Variants in IL4R observed in about 807,000 individuals in gnomAD.
The protein encoded by IL4R is interleukin 4 receptor.
Under a neutral mutation model 41.5 loss-of-function variants are expected in IL4R, and 17 were observed. The ratio of observed to expected loss-of-function variants is 0.41; its 90% CI spans 0.28 to 0.61. The LOEUF (loss-of-function observed/expected upper bound fraction) is 0.61. IL4R is among the 20% of genes least tolerant of loss of function. The pLI, the probability that IL4R is intolerant of heterozygous loss-of-function variation, is 0.31. For missense variants in IL4R, 974 were observed against 1,043.1 expected, an observed-to-expected ratio of 0.93 and a Z score of 0.91; for synonymous variants, 402 against 422.9, an observed-to-expected ratio of 0.95 and a Z score of 0.61.
chr16:27,316,223 A>G (rs545929506), intron 1 of IL4R, among the ~76,000 whole-genome samples: 39 of 152,224 alleles, frequency 2.6e-4, no homozygotes, highest in Admixed American at 1.6e-3. Flanking sequence ...TTAAAAACTT[A>G]GCCAGGCGTG....
At chr16:27,319,004 C>T (rs566033680) in intron 1 of IL4R, among the ~76,000 whole-genome samples, 49 of 152,236 alleles carry the variant, frequency 3.2e-4, no homozygotes, top group Non-Finnish European at 4.7e-4. Flanking sequence ...AAATGAGGGC[C>T]CTCATGGAGC....
chr16:27,315,024 C>T (rs964203233), intron 1 of IL4R, among the ~76,000 whole-genome samples: 4 of 151,894 alleles, frequency 2.6e-5, no homozygotes, highest in Non-Finnish European at 5.9e-5. Context: ...AGATAGGGGA[C>T]CACTAGTTTG....
rs752466414 is a variant in IL4R, at chr16:27,346,566, A to G, written c.461A>G (p.Tyr154Cys). The G allele has an allele frequency of 1.9e-6, 3 of 1,614,092 alleles. No individual in the cohort carries two copies. Among genetic ancestry groups the G allele is most frequent in the Non-Finnish European group, 2.5e-6 (3 of 1,180,022 alleles). The part of the protein sequence containing the change: ...SNPYPPDNYL[Y>C]NHLTYAVNIW... ...CCGTATCCCCCTGACAATTACCTGT[A>G]TAATCATCTCACCTATGCAGTCAAC... The change falls in exon 6 of 11, where the codon TAT becomes TGT. Residue 154 changes from tyrosine (Y) to cysteine (C), a missense_variant. Around this residue, in one of 3 missense-constraint regions of IL4R, gnomAD observed 284 missense variants for 313.4 expected, o/e 0.91. Transcript: ENST00000395762.
At chr16:27,347,486 T>TG (rs1175287049) in intron 6 of IL4R, among the ~76,000 whole-genome samples, 2 of 152,326 alleles carry the variant, frequency 1.3e-5, no homozygotes, top group Admixed American at 6.5e-5. Context: ...CCACCGCACC[T>TG]GGCCAGTGGA....
chr16:27,321,236 GC>G (rs199603130), intron 1 of IL4R, among the ~76,000 whole-genome samples: 7 of 152,104 alleles, frequency 4.6e-5, no homozygotes, highest in East Asian at 1.9e-4. Context: ...GAGCCACCGT[GC>G]CCAGCCCAAA....
intron 7 of IL4R, 149 bp from the exon 8 acceptor site, chr16:27,355,659 G>C (rs950273714): frequency 5.0e-6 from 3 of 597,128 alleles, no homozygotes; most frequent in South Asian, 3.8e-5. Context: ...GAGGGAGAGT[G>C]GTGGGGAGAT....
At chr16:27,341,394 G>T (rs1405745203) in intron 3 of IL4R, 2 of 573,056 alleles carry the variant, frequency 3.5e-6, no homozygotes, top group East Asian at 5.7e-5. Flanking sequence ...ATCTAAGACA[G>T]CTCCTTAACA....
At chr16:27,356,084 C>CTTTTTTT (rs36125482) in intron 8 of IL4R, among the ~76,000 whole-genome samples, 177 bp downstream of exon 8, 376 of 113,654 alleles carry the variant, frequency 3.3e-3, no homozygotes, top group African/African-American at 7.5e-3. Context: ...CCACTTTTTT[C>CTTTTTTT]TTTTTTTTTT....
Position 27,342,173 on chromosome 16 carries a change from C to T in IL4R, c.123C>T (p.Ile41=). Residue 41 remains isoleucine, a synonymous_variant, in exon 4 of 11, where the codon ATC becomes ATT. Transcript: ENST00000395762. ...EPTCVSDYMS[I]STCEWKMNGP... is the part of the protein sequence containing the mutation. ...CCTGCGTCTCCGACTACATGAGCATCTCTACTTGCGAGTGGAAGATGAATG... is the reference window on the plus strand; with the variant it reads ...CCTGCGTCTCCGACTACATGAGCATTTCTACTTGCGAGTGGAAGATGAATG... The T allele has an allele frequency of 6.2e-7, 1 of 1,614,252 alleles. No homozygotes were observed.
chr16:27,359,388 C>G (rs867713746), intron 9 of IL4R, among the ~76,000 whole-genome samples: 1 of 152,116 alleles, frequency 6.6e-6, no homozygotes, highest in Non-Finnish European at 1.5e-5. Context: ...AAACTGCCCC[C>G]GAAGCACTAG....
At chr16:27,339,282 A>G (rs2141122704) in intron 2 of IL4R, among the ~76,000 whole-genome samples, 1 of 152,208 alleles carries the variant, frequency 6.6e-6, no homozygotes, top group South Asian at 2.1e-4. Context: ...GGGACTAGAG[A>G]TGCACACCAT....
chr16:27,341,227 C>A, intron 3 of IL4R: 1 of 674,790 alleles, frequency 1.5e-6, no homozygotes, highest in South Asian at 1.6e-5. Context: ...AGAGAAGTGG[C>A]CAGGATGACT....
At chr16:27,342,538 C>T (rs774829888) in intron 4 of IL4R, among the ~76,000 whole-genome samples, 10 of 152,150 alleles carry the variant, frequency 6.6e-5, no homozygotes, top group Non-Finnish European at 1.5e-4. Flanking sequence ...GACCCTTTTT[C>T]ACACTTAAAA....
chr16:27,321,752 T>C (rs1312131191), intron 1 of IL4R, among the ~76,000 whole-genome samples: 4 of 152,248 alleles, frequency 2.6e-5, no homozygotes, highest in Non-Finnish European at 5.9e-5. Flanking sequence ...TTTCCACAAC[T>C]TGTTACACAA....
At chr16:27,340,950 T>G in intron 3 of IL4R, 1 of 414,064 alleles carries the variant, frequency 2.4e-6, no homozygotes, top group Non-Finnish European at 4.7e-6. Flanking sequence ...GGGAATGTGG[T>G]GGAGGAGAGT....
At chr16:27,346,382 T>C in intron 5 of IL4R, 85 bp from the exon 6 acceptor site, 2 of 1,424,988 alleles carry the variant, frequency 1.4e-6, no homozygotes, top group Non-Finnish European at 2.0e-6. Context: ...ATCTGGGTGG[T>C]GGCTGTGGTT....
intron 8 of IL4R, among the ~76,000 whole-genome samples, 170 bp from the exon 9 acceptor site, chr16:27,358,746 T>C (rs1324389294): frequency 6.6e-6 from 1 of 152,142 alleles, no homozygotes; most frequent in Admixed American, 6.5e-5. Context: ...GGGTTAGCAA[T>C]AGAATCCATG....
intron 1 of IL4R, among the ~76,000 whole-genome samples, chr16:27,317,738 T>C (rs1006160033): frequency 6.6e-6 from 1 of 152,318 alleles, no homozygotes; most frequent in Admixed American, 6.5e-5. Flanking sequence ...AGCTCTCCAC[T>C]GTGTAATCTG....
chr16:27,324,797 C>T (rs949326179), intron 1 of IL4R, among the ~76,000 whole-genome samples: 1 of 152,138 alleles, frequency 6.6e-6, no homozygotes, highest in African/African-American at 2.4e-5. Context: ...GTCCACAGTG[C>T]GCCGGAGCGC....
Sources: gnomAD v4.1 joint callset for allele counts (sites outside exome capture counted in the v4.1 genomes callset) on GRCh38, gnomAD v4.1.1 for gene constraint, gnomAD v4.1.1 regional missense constraint, MANE v1.5 for transcripts, NCBI Gene and HGNC (gene_info 2026-07-23, HGNC 2026-07-21) for gene names.